The following LAMC1 variants were observed in gnomAD, a reference collection of about 807,000 sequenced individuals.
LAMC1 encodes the protein laminin subunit gamma-1.
LAMC1 carries 38 observed loss-of-function variants against 173.6 expected under a neutral mutation model. The observed-to-expected ratio is 0.22, with a 90% confidence interval of 0.17 to 0.29. The LOEUF (loss-of-function observed/expected upper bound fraction) is 0.29. LAMC1 is among the 10% of genes least tolerant of loss of function. The pLI is 1.00. For synonymous variants in LAMC1, 746 were observed against 749.1 expected (o/e 1.00, Z 0.07); for missense variants, 1,824 against 2,051.8 (o/e 0.89, Z 2.14).
At chr1:183,105,403 TAGAAAGAACAG>T (rs201228676) in intron 2 of LAMC1, among the ~76,000 whole-genome samples, 1,765 of 147,432 alleles carry the variant, frequency 0.012, 29 homozygotes, top group African/African-American at 0.038. Context: ...GAGGCAACAA[TAGAAAGAACAG>T]AGAAAGAACA....
intron 1 of LAMC1, among the ~76,000 whole-genome samples, chr1:183,076,165 C>T (rs1655115603): frequency 6.6e-6 from 1 of 152,212 alleles, no homozygotes; most frequent in Admixed American, 6.5e-5. Flanking sequence ...AATTCCTTTC[C>T]AACAGTAAAC....
At chr1:183,041,969 A>T (rs1271106688) in intron 1 of LAMC1, among the ~76,000 whole-genome samples, 1 of 152,190 alleles carries the variant, frequency 6.6e-6, no homozygotes, top group Non-Finnish European at 1.5e-5. Context: ...TAGGGTTTTT[A>T]AAATTGATCA....
intron 1 of LAMC1, among the ~76,000 whole-genome samples, chr1:183,074,389 C>T (rs753714234): frequency 1.3e-5 from 2 of 152,096 alleles, no homozygotes; most frequent in Non-Finnish European, 2.9e-5. Context: ...AAAAGTTTAC[C>T]GTACAGTGTG....
intron 1 of LAMC1, among the ~76,000 whole-genome samples, chr1:183,072,095 T>C (rs956822674): frequency 7.9e-5 from 12 of 152,206 alleles, no homozygotes; most frequent in African/African-American, 2.9e-4. Context: ...ATTTTAAAAG[T>C]TACCTTTTGA....
intron 1 of LAMC1, among the ~76,000 whole-genome samples, chr1:183,033,918 C>T (rs529341591): frequency 3.6e-4 from 55 of 152,016 alleles, no homozygotes; most frequent in African/African-American, 1.3e-3. Context: ...AGGCTGGTCT[C>T]GAACTCCTGA....
At chr1:183,024,524 G>C (rs971665481) in intron 1 of LAMC1, among the ~76,000 whole-genome samples, 8 of 152,190 alleles carry the variant, frequency 5.3e-5, no homozygotes, top group Admixed American at 2.0e-4. Flanking sequence ...TCGGAAACAA[G>C]AAGGTCCGCC....
At chr1:183,115,176 T>C (rs1656282338) in intron 5 of LAMC1, among the ~76,000 whole-genome samples, 1 of 152,216 alleles carries the variant, frequency 6.6e-6, no homozygotes, top group Non-Finnish European at 1.5e-5. Context: ...TAGGCCTATA[T>C]ATACTTAAAT....
At chr1:183,077,933 A>C (rs1042066445) in intron 1 of LAMC1, among the ~76,000 whole-genome samples, 2 of 151,754 alleles carry the variant, frequency 1.3e-5, no homozygotes, top group East Asian at 3.9e-4. Context: ...GTTTGGGGCA[A>C]TAAGTTGTCT....
At chr1:183,083,890 C>T (rs1472641250) in intron 1 of LAMC1, among the ~76,000 whole-genome samples, 1 of 152,028 alleles carries the variant, frequency 6.6e-6, no homozygotes, top group Non-Finnish European at 1.5e-5. Context: ...AATTGTGATA[C>T]AGTGCTTTTT....
intron 1 of LAMC1, among the ~76,000 whole-genome samples, chr1:183,092,021 T>A (rs1004085551): frequency 1.3e-5 from 2 of 152,148 alleles, no homozygotes; most frequent in African/African-American, 4.8e-5. Context: ...ATAGAGGAAA[T>A]TGGCTTGGAG....
intron 23 of LAMC1, 49 bp downstream of exon 23, chr1:183,134,858 A>G: frequency 1.3e-6 from 2 of 1,564,906 alleles, no homozygotes; most frequent in Non-Finnish European, 1.7e-6. Context: ...ACATTTGAAC[A>G]GTCCAAATGG....
intron 1 of LAMC1, among the ~76,000 whole-genome samples, chr1:183,086,256 A>C (rs1438387504): frequency 6.6e-6 from 1 of 152,228 alleles, no homozygotes; most frequent in African/African-American, 2.4e-5. Context: ...CGTTGCGATT[A>C]TAATCCTCCT....
At chr1:183,090,633 C>G (rs1655542339) in intron 1 of LAMC1, among the ~76,000 whole-genome samples, 1 of 152,196 alleles carries the variant, frequency 6.6e-6, no homozygotes, top group African/African-American at 2.4e-5. Context: ...AATTCCTACC[C>G]AGAGGACAAG....
intron 1 of LAMC1, among the ~76,000 whole-genome samples, chr1:183,098,732 C>T (rs1344527271): frequency 6.6e-6 from 1 of 152,214 alleles, no homozygotes; most frequent in Non-Finnish European, 1.5e-5. Flanking sequence ...ATCAGTAGAA[C>T]TCGAATTTTA....
rs1657195197 is a variant in LAMC1, at chr1:183,144,198, T to A, written c.*1408T>A. ...TATAGCCTTTAACACTATGCAACTT[T>A]GTACTTTGCGTAGCAGGGGCGGGGT... On this transcript the variant is annotated 3_prime_UTR_variant, in exon 28 of 28. Coordinates refer to ENST00000258341, the MANE Select transcript of LAMC1 (RefSeq NM_002293.4). 2 of 152,604 alleles carry A rather than the reference T, an allele frequency of 1.3e-5. No individual in the cohort carries two copies. 9.5% of individuals were successfully genotyped at this position (152,604 alleles called of 1,614,324 possible).
At chr1:183,105,154 G>A (rs1404115812) in intron 2 of LAMC1, among the ~76,000 whole-genome samples, 20 of 149,046 alleles carry the variant, frequency 1.3e-4, no homozygotes, top group African/African-American at 4.4e-4. Context: ...GAACCCGGGA[G>A]GTGGAGGTTG....
At chr1:183,117,940 A>T (rs533812023) in intron 10 of LAMC1, 94 bp from the exon 11 acceptor site, 1 of 808,736 alleles carries the variant, frequency 1.2e-6, no homozygotes, top group Admixed American at 2.4e-5. Context: ...TTGTTAGAGC[A>T]TTGCATTGTT....
rs752486752 is a variant in LAMC1, at chr1:183,137,717, A to T, written c.4363A>T (p.Thr1455Ser). The T allele has an allele frequency of 6.3e-7, 1 of 1,595,402 alleles. No individual in the cohort carries two copies. The highest frequency in any genetic ancestry group is 8.6e-7 in the Non-Finnish European group (1 of 1,166,992). Residue 1455 changes from threonine to serine, a missense_variant, in exon 26 of 28, where the codon ACA (threonine) becomes TCA (serine). Coordinates refer to ENST00000258341, the MANE Select transcript of LAMC1 (RefSeq NM_002293.4). Reference protein sequence around the residue: ...AEAERTFAEVTDLDNEVNNML... With the variant: ...AEAERTFAEVSDLDNEVNNML... ...AGCTGAAAGAACTTTTGCAGAAGTT[A>T]CAGATCTGGATAATGAGGTGAACAA...
chr1:183,100,055 T>A (rs1052635511), intron 1 of LAMC1, among the ~76,000 whole-genome samples: 1 of 152,170 alleles, frequency 6.6e-6, no homozygotes, highest in Admixed American at 6.5e-5. Context: ...GCTTTGACAA[T>A]GAAACAGGGT....
Sources: allele counts gnomAD v4.1 joint callset (sites outside exome capture counted in the v4.1 genomes callset), GRCh38; gene constraint gnomAD v4.1.1; transcripts MANE v1.5; gene names NCBI Gene and HGNC (gene_info 2026-07-23, HGNC 2026-07-21).